The following ZNF148 variants were observed in gnomAD, a reference collection of about 807,000 sequenced individuals.
ZNF148 encodes Beta-Enolase Repressor Factor-1.
A neutral mutation model predicts 67.7 loss-of-function variants in ZNF148; 7 were observed. The ratio of observed to expected loss-of-function variants is 0.10; its 90% CI spans 0.06 to 0.19. The LOEUF is 0.19. Ranked by LOEUF, ZNF148 falls within the 10% of genes least tolerant of loss-of-function variation. The pLI is 1.00. For synonymous variants in ZNF148, 333 were observed against 330.7 expected, an observed-to-expected ratio of 1.01 and a Z score of -0.08; for missense variants, 583 against 947.1, an observed-to-expected ratio of 0.62 and a Z score of 5.05.
chr3:125,365,782 C>T (rs895705198), intron 1 of ZNF148, among the ~76,000 whole-genome samples: 10 of 152,336 alleles, frequency 6.6e-5, no homozygotes, highest in African/African-American at 2.4e-4. Context: ...GTTCACACAA[C>T]TGCATTCCAG....
chr3:125,267,730 T>TA (rs1242683954), intron 7 of ZNF148, among the ~76,000 whole-genome samples: 1 of 151,970 alleles, frequency 6.6e-6, no homozygotes, highest in Non-Finnish European at 1.5e-5. Flanking sequence ...CTAGCCAGAG[T>TA]AATCAGGCAA....
chr3:125,326,736 ATATT>A lies in ZNF148; in HGVS notation c.-152-3296_-152-3293del, dbSNP rs1941038024. ...TTTTTATATATGTATATAAATATACATATTTATATGTATATATACATATAAAGAT... is the reference window on the plus strand; with the variant it reads ...TTTTTATATATGTATATAAATATACATATATGTATATATACATATAAAGAT... On this transcript the variant is annotated intron_variant, in intron 2 of 8. Transcript: ENST00000360647. Among the ~76,000 whole-genome samples, 6 of 134,108 alleles carry A rather than the reference ATATT, an allele frequency of 4.5e-5. No individual in the cohort carries two copies. In the South Asian group the frequency reaches 1.3e-3, roughly 30 times the overall value. The allele number at this position is 134,108 out of a possible 152,430, so 88.0% of individuals were successfully genotyped here.
chr3:125,246,839 C>G (rs1936621459), intron 7 of ZNF148, among the ~76,000 whole-genome samples: 1 of 152,078 alleles, frequency 6.6e-6, no homozygotes, highest in Non-Finnish European at 1.5e-5. Context: ...AATCCATGGA[C>G]TAATAACTAC....
intron 7 of ZNF148, among the ~76,000 whole-genome samples, chr3:125,260,099 G>GGTGC (rs1937268211): frequency 6.6e-6 from 1 of 152,044 alleles, no homozygotes. Context: ...CTCTTATGTG[G>GGTGC]GTGCAGTTTG....
rs1935883346 is a variant in ZNF148, at chr3:125,232,262, A to T, written c.*79T>A. On this transcript the variant is annotated 3_prime_UTR_variant, in exon 9 of 9. Transcript: ENST00000360647. This position sits in a 1 kb window ranked among gnomAD's most constrained non-coding sequence, Gnocchi z 4.2. Reference sequence around the variant, plus strand: ...CGCATTGCTCTTAAATCTGTACAGCACTCCATTTACACAGAGTAACCCCAC... The same window carrying T: ...CGCATTGCTCTTAAATCTGTACAGCTCTCCATTTACACAGAGTAACCCCAC... The T allele has an allele frequency of 6.9e-7, 1 of 1,455,618 alleles. No homozygotes were observed. Among genetic ancestry groups the T allele is most frequent in the Non-Finnish European group, 9.1e-7 (1 of 1,093,148 alleles). 90.2% of individuals were successfully genotyped at this position (1,455,618 alleles called of 1,614,324 possible).
chr3:125,281,875 T>C (rs529847807), intron 5 of ZNF148, among the ~76,000 whole-genome samples: 44 of 152,320 alleles, frequency 2.9e-4, no homozygotes, highest in African/African-American at 1.0e-3. Context: ...AGTAAACTCA[T>C]CTTGACTCAG....
chr3:125,323,027 T>A (rs988667133), intron 3 of ZNF148, among the ~76,000 whole-genome samples: 1 of 152,172 alleles, frequency 6.6e-6, no homozygotes, highest in Admixed American at 6.5e-5. Context: ...TAAAAAATGC[T>A]ATACCCTGTT....
At chr3:125,373,364 T>G (rs1942952818) in intron 1 of ZNF148, among the ~76,000 whole-genome samples, 6 of 151,684 alleles carry the variant, frequency 4.0e-5, no homozygotes, top group Admixed American at 2.6e-4. Context: ...GTGCTGGGAT[T>G]ACAGGTGTGA....
chr3:125,374,322 A>T (rs537242298), intron 1 of ZNF148, among the ~76,000 whole-genome samples: 2 of 152,150 alleles, frequency 1.3e-5, no homozygotes, highest in East Asian at 3.9e-4. Context: ...ATATTTATTA[A>T]TTATACTACA....
intron 2 of ZNF148, among the ~76,000 whole-genome samples, chr3:125,325,703 G>C (rs540286464): frequency 5.9e-5 from 9 of 152,128 alleles, no homozygotes; most frequent in Non-Finnish European, 1.2e-4. Flanking sequence ...GACCTCAGGT[G>C]ATCTGACCAT....
chr3:125,285,641 G>A (rs1033682885), intron 5 of ZNF148, among the ~76,000 whole-genome samples: 6 of 151,924 alleles, frequency 3.9e-5, no homozygotes, highest in Admixed American at 1.3e-4. Flanking sequence ...CAATTCTTCC[G>A]TCTCAGCCTC....
chr3:125,249,555 GC>G (rs1936745747), intron 7 of ZNF148, among the ~76,000 whole-genome samples: 1 of 151,932 alleles, frequency 6.6e-6, no homozygotes, highest in East Asian at 1.9e-4. Context: ...AGAAACCACT[GC>G]ACACTGCTGC....
At chr3:125,306,057 A>G (rs1057194286) in intron 4 of ZNF148, among the ~76,000 whole-genome samples, 11 of 152,200 alleles carry the variant, frequency 7.2e-5, no homozygotes, top group African/African-American at 2.4e-4. Context: ...CAAAATATTC[A>G]GAAATTAAGC....
intron 6 of ZNF148, among the ~76,000 whole-genome samples, chr3:125,278,104 G>A (rs968123981): frequency 2.6e-5 from 4 of 152,118 alleles, no homozygotes; most frequent in Non-Finnish European, 5.9e-5. Flanking sequence ...CATGGGGTGA[G>A]AAAGAAATAC....
intron 1 of ZNF148, among the ~76,000 whole-genome samples, chr3:125,339,959 T>C (rs1248541281): frequency 6.6e-6 from 1 of 152,178 alleles, no homozygotes; most frequent in Non-Finnish European, 1.5e-5. Context: ...TGCAGGGACT[T>C]CAACTTCCAG....
At chr3:125,265,140 ACTG>A (rs1288313661) in intron 7 of ZNF148, among the ~76,000 whole-genome samples, 1 of 152,230 alleles carries the variant, frequency 6.6e-6, no homozygotes, top group Non-Finnish European at 1.5e-5. Context: ...GTCTGTTACT[ACTG>A]CTTATTTTTT....
intron 1 of ZNF148, among the ~76,000 whole-genome samples, chr3:125,348,217 C>T (rs1942016271): frequency 6.6e-6 from 1 of 152,006 alleles, no homozygotes; most frequent in African/African-American, 2.4e-5. Flanking sequence ...CTTGATCGTG[C>T]CACTGCACTC....
chr3:125,326,912 T>C (rs1941053745), intron 2 of ZNF148, among the ~76,000 whole-genome samples: 1 of 150,316 alleles, frequency 6.7e-6, no homozygotes, highest in Admixed American at 6.6e-5. Flanking sequence ...ATGGCAAATG[T>C]AAATCCAACC....
At chr3:125,283,363 A>G (rs975744186) in intron 5 of ZNF148, among the ~76,000 whole-genome samples, 2 of 152,196 alleles carry the variant, frequency 1.3e-5, no homozygotes, top group Non-Finnish European at 2.9e-5. Context: ...CAAGAAATTC[A>G]CTGTATCATA....
Sources: allele counts gnomAD v4.1 joint callset (sites outside exome capture counted in the v4.1 genomes callset), GRCh38; gene constraint gnomAD v4.1.1; non-coding constraint Gnocchi (gnomAD v3.1); transcripts MANE v1.5; gene names NCBI Gene and HGNC (gene_info 2026-07-23, HGNC 2026-07-21).